The following UNC13C variants were observed in gnomAD, a reference collection of about 807,000 sequenced individuals.
UNC13C encodes unc-13 homolog C, also known as protein unc-13 homolog C.
In UNC13C, 174 loss-of-function variants were observed where a neutral mutation model predicts 245.4. The ratio of observed to expected loss-of-function variants is 0.71; its 90% CI spans 0.63 to 0.80. UNC13C has a LOEUF of 0.80. Among genes scored for constraint, UNC13C ranks in the 30% least tolerant of loss-of-function variants. The probability of loss-of-function intolerance (pLI) is 0.00; values close to 1 mark genes in which losing one functional copy is unlikely to be tolerated. For synonymous variants in UNC13C, 992 were observed against 895.1 expected (o/e 1.11, Z -1.93); for missense variants, 2,829 against 2,602.9 (o/e 1.09, Z -1.89).
intron 4 of UNC13C, among the ~76,000 whole-genome samples, chr15:54,147,371 C>T (rs376856740): frequency 1.8e-4 from 28 of 152,184 alleles, no homozygotes; most frequent in African/African-American, 6.7e-4. Context: ...AGGCGCCCTC[C>T]ACCACGCCCG....
chr15:54,237,721 A>G, intron 7 of UNC13C, 31 bp downstream of exon 7: 13 of 1,461,666 alleles, frequency 8.9e-6, no homozygotes, highest in Non-Finnish European at 1.2e-5. Flanking sequence ...ATAATATCTA[A>G]CTAGATATTG....
chr15:54,216,254 G>T (rs576807795), intron 4 of UNC13C, among the ~76,000 whole-genome samples: 1 of 151,828 alleles, frequency 6.6e-6, no homozygotes, highest in Non-Finnish European at 1.5e-5. Flanking sequence ...TATTTTCTTC[G>T]CAGCTCATTT....
chr15:53,839,511 A>C, the UNC13C span, among the ~76,000 whole-genome samples: 1 of 152,156 alleles, frequency 6.6e-6, no homozygotes, highest in African/African-American at 2.4e-5. Flanking sequence ...TTTAAATAAA[A>C]TGTAGCTTTA....
chr15:54,083,437 G>A (rs760697058), intron 2 of UNC13C, among the ~76,000 whole-genome samples: 5 of 152,058 alleles, frequency 3.3e-5, no homozygotes, highest in Non-Finnish European at 7.4e-5. Context: ...AGGGAGTTGG[G>A]CCCCAACCTT....
chr15:54,154,418 A>G (rs1284035605), intron 4 of UNC13C, among the ~76,000 whole-genome samples: 4 of 152,188 alleles, frequency 2.6e-5, no homozygotes. Context: ...GAAAATAATT[A>G]GTATATTAAT....
chr15:54,483,703 C>T (rs1180267955), intron 19 of UNC13C, among the ~76,000 whole-genome samples: 1 of 152,168 alleles, frequency 6.6e-6, no homozygotes, highest in African/African-American at 2.4e-5. Flanking sequence ...ACCCCGTCTG[C>T]CTCTGCCTCC....
intron 2 of UNC13C, among the ~76,000 whole-genome samples, chr15:54,018,729 G>A (rs11631600): frequency 0.43 from 65,150 of 151,938 alleles, 14,962 homozygotes; most frequent in East Asian, 0.53. Flanking sequence ...AAATTCCCAT[G>A]TACTTGCCTC....
rs143188523 is a variant in UNC13C at position 54,444,457 on chromosome 15, G to C, written c.4933+29390G>C. On this transcript the variant is annotated intron_variant, in intron 19 of 32. Transcript: ENST00000260323. ...GATCTTTTGTAGGCATGATATAACT[G>C]TATCATGTACTTTTATCCATTCATC... Among the ~76,000 whole-genome samples the C allele has an allele frequency of 1.9e-3, 291 of 151,820 alleles. 1 individual carries two copies. The highest frequency in any genetic ancestry group is 6.7e-3 in the African/African-American group (277 of 41,466).
At chr15:54,201,314 TGAAGCCA>T (rs769190581) in intron 4 of UNC13C, among the ~76,000 whole-genome samples, 2 of 152,018 alleles carry the variant, frequency 1.3e-5, no homozygotes, top group Middle Eastern at 3.2e-3. Flanking sequence ...AATCATTCTA[TGAAGCCA>T]GTATCACTCT....
intron 17 of UNC13C, among the ~76,000 whole-genome samples, chr15:54,341,896 A>C (rs936896955): frequency 6.6e-6 from 1 of 151,836 alleles, no homozygotes; most frequent in African/African-American, 2.4e-5. Context: ...GAATGGTGTG[A>C]ACCCGGGAGG....
chr15:53,969,110 T>G, the UNC13C span, among the ~76,000 whole-genome samples: 1 of 152,204 alleles, frequency 6.6e-6, no homozygotes, highest in Non-Finnish European at 1.5e-5. Context: ...CCAGAATCTC[T>G]GGAGTTCAGA....
chr15:53,959,036 G>A, the UNC13C span, among the ~76,000 whole-genome samples: 4 of 152,134 alleles, frequency 2.6e-5, no homozygotes, highest in Non-Finnish European at 5.9e-5. Context: ...ATATAGGCGA[G>A]AATGTGAAAT....
At chr15:54,369,864 T>A (rs768976884) in intron 17 of UNC13C, among the ~76,000 whole-genome samples, 2 of 152,136 alleles carry the variant, frequency 1.3e-5, no homozygotes, top group African/African-American at 2.4e-5. Context: ...ATCTCGCTTG[T>A]TTCTACTATT....
At chr15:53,860,885 A>C in the UNC13C span, among the ~76,000 whole-genome samples, 1 of 152,286 alleles carries the variant, frequency 6.6e-6, no homozygotes, top group East Asian at 1.9e-4. Flanking sequence ...GATTCACATA[A>C]ATGTTGTGAT....
intron 32 of UNC13C, 47 bp downstream of exon 32, chr15:54,624,001 G>A (rs773492157): frequency 8.1e-6 from 13 of 1,606,690 alleles, no homozygotes; most frequent in South Asian, 1.1e-5. Flanking sequence ...AATAGTTACT[G>A]TACAGCTGAC....
At chr15:54,567,744 TTC>T in intron 29 of UNC13C, 54 bp from the exon 30 acceptor site, 1 of 1,455,274 alleles carries the variant, frequency 6.9e-7, no homozygotes, top group South Asian at 1.4e-5. Context: ...GAGTAATAAA[TTC>T]TGTCTTCCAA....
chr15:54,189,386 A>G (rs1184521160), intron 4 of UNC13C, among the ~76,000 whole-genome samples: 9 of 152,066 alleles, frequency 5.9e-5, no homozygotes, highest in Admixed American at 5.9e-4. Context: ...AATTCAATTT[A>G]TTTTAATAGT....
intron 4 of UNC13C, among the ~76,000 whole-genome samples, chr15:54,154,601 A>G (rs1216469980): frequency 6.6e-6 from 1 of 152,170 alleles, no homozygotes; most frequent in African/African-American, 2.4e-5. Context: ...TCCATGCAAC[A>G]TTTCCGTTTT....
the UNC13C span, among the ~76,000 whole-genome samples, chr15:53,888,415 A>C: frequency 6.6e-6 from 1 of 152,040 alleles, no homozygotes; most frequent in African/African-American, 2.4e-5. Flanking sequence ...TTTCTTGTAA[A>C]TTTGTTTAAG....
Sources: gnomAD v4.1 joint callset for allele counts (sites outside exome capture counted in the v4.1 genomes callset) on GRCh38, gnomAD v4.1.1 for gene constraint, MANE v1.5 for transcripts, NCBI Gene and HGNC (gene_info 2026-07-23, HGNC 2026-07-21) for gene names.